Variants in BRINP1 observed in about 807,000 individuals in gnomAD.
BRINP1 encodes BMP/retinoic acid inducible neural specific 1, also known as BMP/retinoic acid-inducible neural-specific protein 1.
Under a neutral mutation model 72.9 loss-of-function variants are expected in BRINP1, and 17 were observed. The ratio of observed to expected loss-of-function variants is 0.23; its 90% CI spans 0.16 to 0.35. The LOEUF (loss-of-function observed/expected upper bound fraction) is 0.35. BRINP1 is among the 10% of genes least tolerant of loss of function. BRINP1 has a pLI of 1.00. For missense variants in BRINP1, 850 were observed against 1,001.6 expected (o/e 0.85, Z 2.04); for synonymous variants, 418 against 378.5 (o/e 1.10, Z -1.21).
chr9:119,294,211 A>G (rs1830851189), intron 2 of BRINP1, among the ~76,000 whole-genome samples: 1 of 152,246 alleles, frequency 6.6e-6, no homozygotes, highest in South Asian at 2.1e-4. Context: ...GTTAAGAAGT[A>G]AAAGACATAT....
At chr9:119,203,994 A>G (rs968982642) in intron 7 of BRINP1, among the ~76,000 whole-genome samples, 1 of 152,158 alleles carries the variant, frequency 6.6e-6, no homozygotes, top group Non-Finnish European at 1.5e-5. Context: ...TTCCAAGGCT[A>G]AGCTGTGTAA....
At chr9:119,239,107 G>A (rs954578692) in intron 4 of BRINP1, among the ~76,000 whole-genome samples, 5 of 152,192 alleles carry the variant, frequency 3.3e-5, no homozygotes, top group Non-Finnish European at 7.3e-5. Context: ...CCTAGGCCAT[G>A]TATTTACCCT....
chr9:119,347,789 C>T (rs1348986465), intron 1 of BRINP1, among the ~76,000 whole-genome samples: 1 of 152,094 alleles, frequency 6.6e-6, no homozygotes, highest in Non-Finnish European at 1.5e-5. Flanking sequence ...CATTCCCAAA[C>T]CTAATAAACC....
chr9:119,174,665 C>T (rs1829459465), intron 7 of BRINP1, among the ~76,000 whole-genome samples: 1 of 150,002 alleles, frequency 6.7e-6, no homozygotes, highest in Non-Finnish European at 1.5e-5. Flanking sequence ...GACACATGCA[C>T]ACGTATGTTT....
In BRINP1 at chr9:119,313,293, C is replaced by T. The variant is rs1831087953; in HGVS notation, c.63G>A (p.Gln21=). ...TCCCAGCTGGTTCCTGGTGGGAGGG[C>T]TGCACTGAGATACGGCCCCATATAA... The part of the protein sequence containing the change: ...FLFIWGRISV[Q]PSHQEPAGTD... Residue 21 remains glutamine, a synonymous_variant, in exon 2 of 8, where the codon CAG becomes CAA. Coordinates refer to ENST00000265922, the MANE Select transcript of BRINP1 (RefSeq NM_014618.3). 6.2e-7 allele frequency: 1 copy of T among 1,613,956 alleles called. No individual in the cohort carries two copies. The highest frequency in any genetic ancestry group is 8.5e-7 in the Non-Finnish European group (1 of 1,180,022).
intron 3 of BRINP1, among the ~76,000 whole-genome samples, chr9:119,247,651 C>A (rs1830336564): frequency 1.2e-5 from 1 of 86,564 alleles, no homozygotes. Context: ...GAGCGAGACT[C>A]CGTCTCAAAA....
At chr9:119,223,829 C>T (rs896899791) in intron 5 of BRINP1, among the ~76,000 whole-genome samples, 1 of 151,974 alleles carries the variant, frequency 6.6e-6, no homozygotes, top group Admixed American at 6.6e-5. Context: ...GACATGTGCT[C>T]AGAAAGATCT....
chr9:119,177,816 G>GAGAT (rs1450259483), intron 7 of BRINP1, among the ~76,000 whole-genome samples: 3 of 152,204 alleles, frequency 2.0e-5, no homozygotes, highest in African/African-American at 4.8e-5. Context: ...GAGGGCCTCT[G>GAGAT]AGATACATTC....
intron 1 of BRINP1, among the ~76,000 whole-genome samples, chr9:119,348,274 T>C (rs1831468861): frequency 6.6e-6 from 1 of 152,238 alleles, no homozygotes. Flanking sequence ...GTTTCCTCCA[T>C]GTTTTCTCAT....
intron 2 of BRINP1, among the ~76,000 whole-genome samples, chr9:119,312,241 C>A (rs1184520784): frequency 6.6e-6 from 1 of 152,220 alleles, no homozygotes; most frequent in Non-Finnish European, 1.5e-5. Flanking sequence ...CCACACCTAA[C>A]TACACCTGAG....
At chr9:119,222,435 A>T (rs1171988483) in intron 5 of BRINP1, among the ~76,000 whole-genome samples, 1 of 152,114 alleles carries the variant, frequency 6.6e-6, no homozygotes, top group Non-Finnish European at 1.5e-5. Context: ...AGCCTAAAAT[A>T]TTAATTATCT....
At chr9:119,319,078 C>T (rs1831158145) in intron 1 of BRINP1, among the ~76,000 whole-genome samples, 1 of 151,978 alleles carries the variant, frequency 6.6e-6, no homozygotes, top group African/African-American at 2.4e-5. Context: ...CAAGACAGCC[C>T]CCACAACAAA....
At chr9:119,273,834 G>A (rs1221371922) in intron 2 of BRINP1, among the ~76,000 whole-genome samples, 1 of 152,180 alleles carries the variant, frequency 6.6e-6, no homozygotes, top group Non-Finnish European at 1.5e-5. Context: ...GGTTCAGAGA[G>A]GTTATGTTCC....
chr9:119,283,040 A>G, intron 2 of BRINP1: 1 of 985,462 alleles, frequency 1.0e-6, no homozygotes, highest in Non-Finnish European at 1.2e-6. Flanking sequence ...TGATGACAGG[A>G]CTTGACCAAG....
intron 2 of BRINP1, among the ~76,000 whole-genome samples, chr9:119,278,719 C>T (rs771348707): frequency 5.9e-5 from 9 of 152,118 alleles, no homozygotes; most frequent in Non-Finnish European, 1.3e-4. Flanking sequence ...GAAACCCTAT[C>T]TCTACTAAAA....
chr9:119,219,697 A>AGAGAGAGAG (rs1830019199), intron 5 of BRINP1, among the ~76,000 whole-genome samples: 20 of 96,380 alleles, frequency 2.1e-4, no homozygotes, highest in African/African-American at 5.0e-4. Context: ...GAGAGAGAGA[A>AGAGAGAGAG]AGAGATGTAA....
intron 7 of BRINP1, among the ~76,000 whole-genome samples, chr9:119,193,756 C>T (rs1176224122): frequency 1.3e-5 from 2 of 152,186 alleles, no homozygotes; most frequent in Non-Finnish European, 2.9e-5. Flanking sequence ...GAAAAACCTA[C>T]TCTATGTATC....
intron 1 of BRINP1, among the ~76,000 whole-genome samples, chr9:119,351,436 G>A (rs1319067336): frequency 6.6e-6 from 1 of 151,932 alleles, no homozygotes; most frequent in African/African-American, 2.4e-5. Context: ...CACATGAAAT[G>A]GATGCCAGGT....
At chr9:119,246,359 A>G (rs561487251) in intron 3 of BRINP1, among the ~76,000 whole-genome samples, 37 of 152,288 alleles carry the variant, frequency 2.4e-4, no homozygotes, top group Non-Finnish European at 4.6e-4. Flanking sequence ...GCTAGAACGA[A>G]AGCAGGCAGA....
Sources: gnomAD v4.1 joint callset for allele counts (sites outside exome capture counted in the v4.1 genomes callset) on GRCh38, gnomAD v4.1.1 for gene constraint, MANE v1.5 for transcripts, NCBI Gene and HGNC (gene_info 2026-07-23, HGNC 2026-07-21) for gene names.